The following LINGO2 variants were observed in gnomAD, a reference collection of about 807,000 sequenced individuals.
The protein encoded by LINGO2 is leucine-rich repeat and immunoglobulin-like domain-containing nogo receptor-interacting protein 2.
Under a neutral mutation model 30.6 loss-of-function variants are expected in LINGO2, and 14 were observed. The ratio of observed to expected loss-of-function variants is 0.46; its 90% CI spans 0.30 to 0.72. LINGO2 has a LOEUF of 0.72. Ranked by LOEUF, LINGO2 falls within the 30% of genes least tolerant of loss-of-function variation. The pLI, the probability that LINGO2 is intolerant of heterozygous loss-of-function variation, is 0.07. For synonymous variants in LINGO2, 317 were observed against 288.5 expected, an observed-to-expected ratio of 1.10 and a Z score of -1.00; for missense variants, 729 against 751.7, an observed-to-expected ratio of 0.97 and a Z score of 0.35.
At chr9:28,096,346 TA>T (rs1826241954) in intron 4 of LINGO2, among the ~76,000 whole-genome samples, 1 of 152,216 alleles carries the variant, frequency 6.6e-6, no homozygotes, top group African/African-American at 2.4e-5. Context: ...TATGTAATTT[TA>T]TTTTCATCTC....
chr9:28,286,195 A>G (rs535057057), intron 4 of LINGO2, among the ~76,000 whole-genome samples: 2 of 152,352 alleles, frequency 1.3e-5, no homozygotes, highest in South Asian at 4.1e-4. Flanking sequence ...GACAATGGAC[A>G]GAATGAACTA....
intron 1 of LINGO2, among the ~76,000 whole-genome samples, chr9:28,591,512 T>C (rs1258107052): frequency 6.6e-6 from 1 of 152,056 alleles, no homozygotes; most frequent in Non-Finnish European, 1.5e-5. Flanking sequence ...CAGAAAGTTC[T>C]GGTCTTCTGT....
chr9:28,682,369 T>C, the LINGO2 span, among the ~76,000 whole-genome samples: 2 of 152,146 alleles, frequency 1.3e-5, no homozygotes, highest in African/African-American at 4.8e-5. Flanking sequence ...CCTTGTCAAA[T>C]ATTTGCCTTA....
At chr9:29,170,202 A>G in the LINGO2 span, among the ~76,000 whole-genome samples, 51 of 152,354 alleles carry the variant, frequency 3.3e-4, no homozygotes, top group African/African-American at 1.2e-3. Flanking sequence ...AATCAACTTA[A>G]GTGTCCATCA....
chr9:28,923,243 CA>C, the LINGO2 span, among the ~76,000 whole-genome samples: 4 of 152,274 alleles, frequency 2.6e-5, no homozygotes, highest in Non-Finnish European at 5.9e-5. Flanking sequence ...ACTAATTCTG[CA>C]AAGTTATAGC....
chr9:28,187,886 A>G, intron 4 of LINGO2, among the ~76,000 whole-genome samples: 1 of 152,148 alleles, frequency 6.6e-6, no homozygotes, highest in East Asian at 1.9e-4. Context: ...ATAATTTTTT[A>G]AAGCCTCAGA....
the LINGO2 span, among the ~76,000 whole-genome samples, chr9:29,038,403 G>A: frequency 2.0e-5 from 3 of 151,990 alleles, no homozygotes. Context: ...TGGCATAGGA[G>A]TGGGACTATT....
intron 1 of LINGO2, among the ~76,000 whole-genome samples, chr9:28,493,062 G>T (rs1231338344): frequency 1.3e-5 from 2 of 152,100 alleles, no homozygotes; most frequent in African/African-American, 4.8e-5. Context: ...CTAAAGGTGT[G>T]TTTCTTAAAG....
At chr9:28,556,561 G>A (rs1822709550) in intron 1 of LINGO2, among the ~76,000 whole-genome samples, 1 of 152,034 alleles carries the variant, frequency 6.6e-6, no homozygotes, top group Non-Finnish European at 1.5e-5. Flanking sequence ...CGTGAAAATG[G>A]CCATACTGCC....
intron 1 of LINGO2, among the ~76,000 whole-genome samples, chr9:28,578,819 G>C (rs1009737199): frequency 3.3e-5 from 5 of 152,026 alleles, no homozygotes; most frequent in Admixed American, 2.6e-4. Context: ...TCTATTTTAA[G>C]AAAAATATGT....
chr9:28,138,494 C>T (rs1827579831), intron 4 of LINGO2, among the ~76,000 whole-genome samples: 1 of 152,130 alleles, frequency 6.6e-6, no homozygotes, highest in Non-Finnish European at 1.5e-5. Context: ...TGTGAGGCCA[C>T]TTTTCATATT....
At chr9:28,387,749 G>T (rs1821650970) in intron 2 of LINGO2, among the ~76,000 whole-genome samples, 2 of 151,854 alleles carry the variant, frequency 1.3e-5, no homozygotes, top group Admixed American at 6.6e-5. Context: ...AACCCACTGG[G>T]ATGAACGAAC....
chr9:29,166,902 A>G, the LINGO2 span, among the ~76,000 whole-genome samples: 1 of 152,096 alleles, frequency 6.6e-6, no homozygotes, highest in Admixed American at 6.6e-5. Flanking sequence ...AAAATACTAA[A>G]AATATAAGCA....
the LINGO2 span, among the ~76,000 whole-genome samples, chr9:28,770,572 C>T: frequency 6.6e-6 from 1 of 152,174 alleles, no homozygotes; most frequent in Non-Finnish European, 1.5e-5. Flanking sequence ...GAAAATTCTA[C>T]ACTGTAGTAC....
At chr9:28,665,212 A>G (rs1828752508) in intron 1 of LINGO2, among the ~76,000 whole-genome samples, 2 of 151,770 alleles carry the variant, frequency 1.3e-5, no homozygotes, top group Admixed American at 6.6e-5. Flanking sequence ...AAAACCATAA[A>G]ATAAACACTG....
intron 3 of LINGO2, among the ~76,000 whole-genome samples, chr9:28,306,135 T>A (rs563358548): frequency 6.6e-6 from 1 of 152,132 alleles, no homozygotes; most frequent in Non-Finnish European, 1.5e-5. Flanking sequence ...CTACTCTTCT[T>A]CCATAATCTG....
At chr9:28,531,775 G>T (rs970418915) in intron 1 of LINGO2, among the ~76,000 whole-genome samples, 1 of 151,836 alleles carries the variant, frequency 6.6e-6, no homozygotes, top group Non-Finnish European at 1.5e-5. Context: ...TTTGAAATGG[G>T]GGCCAGTATA....
At chr9:28,589,499 C>T (rs1230668009) in intron 1 of LINGO2, among the ~76,000 whole-genome samples, 2 of 152,046 alleles carry the variant, frequency 1.3e-5, no homozygotes, top group Non-Finnish European at 2.9e-5. Flanking sequence ...CATTCTTATA[C>T]ACCAATAACA....
chr9:28,015,001 A>G (rs1822755433), intron 4 of LINGO2, among the ~76,000 whole-genome samples: 1 of 152,202 alleles, frequency 6.6e-6, no homozygotes, highest in South Asian at 2.1e-4. Flanking sequence ...AAAAAACAAA[A>G]TAGTTCCTGA....
Sources: allele counts gnomAD v4.1 joint callset (sites outside exome capture counted in the v4.1 genomes callset), GRCh38; gene constraint gnomAD v4.1.1; transcripts MANE v1.5; gene names NCBI Gene and HGNC (gene_info 2026-07-23, HGNC 2026-07-21).